Variants in CDKAL1 observed in about 807,000 individuals in gnomAD.
CDKAL1 encodes CDKAL1 threonylcarbamoyladenosine tRNA methylthiotransferase.
CDKAL1 carries 32 observed loss-of-function variants against 68.2 expected under a neutral mutation model. The ratio of observed to expected loss-of-function variants is 0.47; its 90% CI spans 0.35 to 0.63. The LOEUF (loss-of-function observed/expected upper bound fraction) is 0.63. Among genes scored for constraint, CDKAL1 ranks in the 30% least tolerant of loss-of-function variants. CDKAL1 has a pLI of 0.00. For missense variants in CDKAL1, 606 were observed against 696.7 expected (o/e 0.87, Z 1.47); for synonymous variants, 234 against 244.3 (o/e 0.96, Z 0.39).
intron 5 of CDKAL1, among the ~76,000 whole-genome samples, chr6:20,737,313 G>A (rs956623806): frequency 6.6e-6 from 1 of 152,188 alleles, no homozygotes; most frequent in African/African-American, 2.4e-5. Flanking sequence ...TGAATGCTGT[G>A]TTTTTAACGT....
chr6:20,878,395 A>G (rs1329144505), intron 9 of CDKAL1, among the ~76,000 whole-genome samples: 1 of 152,196 alleles, frequency 6.6e-6, no homozygotes, highest in Admixed American at 6.5e-5. Flanking sequence ...TACATGCGGT[A>G]TTATTGTCCT....
At chr6:20,876,108 C>T (rs1161096224) in intron 9 of CDKAL1, among the ~76,000 whole-genome samples, 1 of 152,170 alleles carries the variant, frequency 6.6e-6, no homozygotes, top group Non-Finnish European at 1.5e-5. Context: ...AGTGTTTTAC[C>T]ATCTGTAATG....
chr6:20,688,801 C>T (rs1445360139), intron 5 of CDKAL1, among the ~76,000 whole-genome samples: 1 of 152,152 alleles, frequency 6.6e-6, no homozygotes, highest in Non-Finnish European at 1.5e-5. Flanking sequence ...TTTTAGTACA[C>T]CTTGCACTTT....
intron 12 of CDKAL1, among the ~76,000 whole-genome samples, chr6:21,099,596 G>A (rs1773482239): frequency 6.6e-6 from 1 of 152,136 alleles, no homozygotes; most frequent in Admixed American, 6.5e-5. Context: ...CCAGATAAGA[G>A]GTAAAGTTAA....
At chr6:20,918,337 G>A (rs546070867) in intron 9 of CDKAL1, among the ~76,000 whole-genome samples, 27 of 152,302 alleles carry the variant, frequency 1.8e-4, no homozygotes, top group African/African-American at 6.3e-4. Flanking sequence ...ATGGACTACA[G>A]CAATACCATT....
chr6:21,139,793 C>T (rs1775810331), intron 13 of CDKAL1, among the ~76,000 whole-genome samples: 1 of 152,190 alleles, frequency 6.6e-6, no homozygotes, highest in Non-Finnish European at 1.5e-5. Flanking sequence ...CAAATGTAAG[C>T]CACTGCTCCC....
At chr6:20,875,159 C>T (rs1207950460) in intron 9 of CDKAL1, among the ~76,000 whole-genome samples, 6 of 151,320 alleles carry the variant, frequency 4.0e-5, no homozygotes, top group Non-Finnish European at 7.4e-5. Flanking sequence ...ATTAGCCGGG[C>T]GCGGTGGCAG....
At chr6:20,832,887 T>C (rs1777775867) in intron 8 of CDKAL1, among the ~76,000 whole-genome samples, 2 of 152,220 alleles carry the variant, frequency 1.3e-5, no homozygotes, top group Non-Finnish European at 2.9e-5. Context: ...TGTAATTTTC[T>C]TGGCTATATC....
At chr6:20,851,248 G>A (rs536244076) in intron 9 of CDKAL1, among the ~76,000 whole-genome samples, 1 of 152,148 alleles carries the variant, frequency 6.6e-6, no homozygotes, top group Admixed American at 6.5e-5. Context: ...TGGGGGCTGA[G>A]TTTGCTGGGT....
chr6:20,958,116 G>T (rs1395382615), intron 10 of CDKAL1, among the ~76,000 whole-genome samples: 1 of 152,108 alleles, frequency 6.6e-6, no homozygotes, highest in Non-Finnish European at 1.5e-5. Flanking sequence ...GGTGAGAATT[G>T]TTCCCCACAG....
intron 8 of CDKAL1, among the ~76,000 whole-genome samples, chr6:20,840,532 G>T (rs1176799989): frequency 2.0e-5 from 3 of 152,222 alleles, no homozygotes; most frequent in Non-Finnish European, 4.4e-5. Context: ...TGAAGATAGA[G>T]ACAGGAGAGA....
chr6:20,643,600 A>G (rs78222214), intron 4 of CDKAL1, among the ~76,000 whole-genome samples: 2 of 152,346 alleles, frequency 1.3e-5, no homozygotes, highest in Non-Finnish European at 2.9e-5. Context: ...GCAAATAGCC[A>G]TAGACAGTTT....
intron 5 of CDKAL1, among the ~76,000 whole-genome samples, chr6:20,724,274 G>A (rs1356876922): frequency 6.6e-6 from 1 of 151,932 alleles, no homozygotes; most frequent in Non-Finnish European, 1.5e-5. Context: ...GGGCATTTTT[G>A]TTACTCCCTG....
At position 20,828,775 on chromosome 6, in the gene CDKAL1, T is replaced by G. The variant is rs562432321; in HGVS notation, c.639-17300T>G. Among the ~76,000 whole-genome samples the G allele has an allele frequency of 1.6e-4, 24 of 152,302 alleles. 1 individual carries two copies. In the South Asian group the frequency reaches 3.1e-3, roughly 20 times the overall value. On this transcript the variant is annotated intron_variant, in intron 8 of 15. Coordinates refer to ENST00000274695, the MANE Select transcript of CDKAL1 (RefSeq NM_017774.3). ...GGCATTAAGTACATTCGTGTTGTTG[T>G]ACAAACATCACCACTATCCACCTCC...
chr6:20,719,913 C>T (rs1453757238), intron 5 of CDKAL1, among the ~76,000 whole-genome samples: 1 of 152,210 alleles, frequency 6.6e-6, no homozygotes, highest in Non-Finnish European at 1.5e-5. Context: ...AAATCTTGCT[C>T]ATTTTAAAAA....
chr6:20,669,253 A>G (rs566698471), intron 5 of CDKAL1, among the ~76,000 whole-genome samples: 1 of 152,296 alleles, frequency 6.6e-6, no homozygotes, highest in East Asian at 1.9e-4. Flanking sequence ...ATACAATTGT[A>G]TTATCAAGTG....
At chr6:20,773,903 C>T (rs750557140) in intron 7 of CDKAL1, among the ~76,000 whole-genome samples, 4 of 152,042 alleles carry the variant, frequency 2.6e-5, no homozygotes, top group African/African-American at 7.2e-5. Context: ...CCCTTCTGCC[C>T]TCTGCCCTCT....
At chr6:20,992,208 A>ATATATATATATATATATG (rs200094831) in intron 10 of CDKAL1, among the ~76,000 whole-genome samples, 1 of 144,562 alleles carries the variant, frequency 6.9e-6, no homozygotes, top group African/African-American at 2.8e-5. Context: ...ATATATATAT[A>ATATATATATATATATATG]TATGTATTTT....
intron 9 of CDKAL1, among the ~76,000 whole-genome samples, chr6:20,912,145 T>G (rs1762495374): frequency 6.6e-6 from 1 of 152,232 alleles, no homozygotes. Flanking sequence ...GTTTTTTGTG[T>G]GTTTGTTTTT....
Sources: allele counts gnomAD v4.1 joint callset (sites outside exome capture counted in the v4.1 genomes callset), GRCh38; gene constraint gnomAD v4.1.1; transcripts MANE v1.5; gene names NCBI Gene and HGNC (gene_info 2026-07-23, HGNC 2026-07-21).